The following CGNL1 variants were observed in gnomAD, a reference collection of about 807,000 sequenced individuals.
CGNL1 encodes cingulin-like protein 1.
A neutral mutation model predicts 141.2 loss-of-function variants in CGNL1; 132 were observed. The ratio of observed to expected loss-of-function variants is 0.93; its 90% CI spans 0.81 to 1.08. CGNL1 has a LOEUF of 1.08. Among genes scored for constraint, CGNL1 ranks in the 50% least tolerant of loss-of-function variants. The pLI is 0.00. For missense variants in CGNL1, 1,870 were observed against 1,588.6 expected (o/e 1.18, Z -3.01); for synonymous variants, 690 against 622.1 (o/e 1.11, Z -1.63).
chr15:57,442,548 CA>C, intron 4 of CGNL1, 70 bp downstream of exon 4: 1 of 949,766 alleles, frequency 1.1e-6, no homozygotes, highest in East Asian at 2.4e-5. Context: ...GCTGTTTCTT[CA>C]GTCTGTATGT....
At chr15:57,513,483 G>A (rs368424261) in intron 8 of CGNL1, among the ~76,000 whole-genome samples, 3 of 152,016 alleles carry the variant, frequency 2.0e-5, no homozygotes, top group South Asian at 4.2e-4. Context: ...GAATAATGCT[G>A]CTATAAACAT....
intron 8 of CGNL1, among the ~76,000 whole-genome samples, chr15:57,494,833 C>G (rs1429952596): frequency 6.6e-6 from 1 of 152,204 alleles, no homozygotes; most frequent in East Asian, 1.9e-4. Context: ...GGCATGAGCT[C>G]AGACACTGGC....
At chr15:57,473,376 T>C (rs1280380) in intron 8 of CGNL1, among the ~76,000 whole-genome samples, 40,195 of 152,126 alleles carry the variant, frequency 0.26, 5,666 homozygotes, top group Non-Finnish European at 0.3. Context: ...AAATGGAATA[T>C]GTCATAAACT....
At chr15:57,516,009 A>G (rs1393613738) in intron 8 of CGNL1, among the ~76,000 whole-genome samples, 1 of 151,862 alleles carries the variant, frequency 6.6e-6, no homozygotes, top group Non-Finnish European at 1.5e-5. Flanking sequence ...ATATAAAAAA[A>G]TTAGCCAGGC....
intron 1 of CGNL1, among the ~76,000 whole-genome samples, chr15:57,378,363 GTTTTTTTTTTTTTTTTTTTTT>G (rs71116514): frequency 2.9e-4 from 10 of 33,938 alleles, no homozygotes; most frequent in Admixed American, 1.3e-3. Context: ...CCCTCTATGT[GTTTTTTTTTTTTTTTTTTTTT>G]TTTTTTTTTT....
chr15:57,498,592 G>A (rs1458578406), intron 8 of CGNL1, among the ~76,000 whole-genome samples: 1 of 151,988 alleles, frequency 6.6e-6, no homozygotes, highest in Non-Finnish European at 1.5e-5. Context: ...TTAAGCCTAT[G>A]AGCAAAAATG....
chr15:57,416,647 A>G (rs1193117405), intron 1 of CGNL1, among the ~76,000 whole-genome samples: 1 of 152,118 alleles, frequency 6.6e-6, no homozygotes, highest in Non-Finnish European at 1.5e-5. Flanking sequence ...TGTCCTAGGA[A>G]CTTGTCTCTA....
chr15:57,405,375 T>C (rs1781543238), intron 1 of CGNL1, among the ~76,000 whole-genome samples: 5 of 152,244 alleles, frequency 3.3e-5, no homozygotes, highest in Admixed American at 3.3e-4. Flanking sequence ...CACTCTGGCA[T>C]TGACTCTGGG....
intron 1 of CGNL1, among the ~76,000 whole-genome samples, chr15:57,431,263 C>T (rs1223233850): frequency 6.6e-6 from 1 of 152,192 alleles, no homozygotes; most frequent in Non-Finnish European, 1.5e-5. Context: ...AGCAACTCTG[C>T]TTTCATTTCC....
In CGNL1 at chr15:57,412,386, G is replaced by A. The variant is rs377220362; in HGVS notation, c.-15-25599G>A. Among the ~76,000 whole-genome samples, 109 of 152,338 alleles carry A rather than the reference G, an allele frequency of 7.2e-4. 2 individuals are homozygous for A. The South Asian group carries it at 0.021, about 30-fold the overall frequency. ...CTCTGCATCCTCTTTTCTCTTAAAT[G>A]CTGTTCCTTACTCTGCTCTCCTCTG... is the stretch of plus-strand genomic sequence containing the variant. On this transcript the variant is annotated intron_variant, in intron 1 of 18. Coordinates refer to ENST00000281282, the MANE Select transcript of CGNL1 (RefSeq NM_032866.5).
intron 14 of CGNL1, among the ~76,000 whole-genome samples, chr15:57,539,854 G>A (rs2172606): frequency 0.017 from 2,639 of 152,236 alleles, 77 homozygotes; most frequent in African/African-American, 0.06. Flanking sequence ...CACCGGCATC[G>A]CCCAGTTGGC....
intron 10 of CGNL1, among the ~76,000 whole-genome samples, chr15:57,521,306 G>A (rs1298374202): frequency 3.3e-5 from 5 of 152,052 alleles, no homozygotes; most frequent in African/African-American, 1.2e-4. Context: ...GAATTATCTG[G>A]GGAGCTTTCA....
At chr15:57,482,539 G>C (rs2063738401) in intron 8 of CGNL1, among the ~76,000 whole-genome samples, 1 of 152,186 alleles carries the variant, frequency 6.6e-6, no homozygotes, top group African/African-American at 2.4e-5. Context: ...CATTTGTTGA[G>C]AGGGTTATTC....
intron 13 of CGNL1, among the ~76,000 whole-genome samples, chr15:57,531,092 G>A (rs1327264803): frequency 2.0e-5 from 3 of 152,228 alleles, no homozygotes; most frequent in Non-Finnish European, 1.5e-5. Context: ...ACTCAATTAG[G>A]TTAGATTAGG....
At chr15:57,387,644 G>A (rs2062498340) in intron 1 of CGNL1, among the ~76,000 whole-genome samples, 2 of 152,094 alleles carry the variant, frequency 1.3e-5, no homozygotes, top group African/African-American at 4.8e-5. Flanking sequence ...ACACCACCAG[G>A]CCCCTTTTAT....
intron 1 of CGNL1, chr15:57,376,843 G>C (rs2062369044): frequency 6.6e-6 from 1 of 152,342 alleles, no homozygotes; most frequent in Non-Finnish European, 1.5e-5. Context: ...GTGGGAGGGA[G>C]GAGGCCCTGC....
chr15:57,469,469 G>A (rs2063552719), intron 8 of CGNL1, among the ~76,000 whole-genome samples: 1 of 151,640 alleles, frequency 6.6e-6, no homozygotes, highest in African/African-American at 2.4e-5. Flanking sequence ...ACAGAGACCT[G>A]AAGAGAAGCA....
intron 8 of CGNL1, among the ~76,000 whole-genome samples, chr15:57,487,783 G>A (rs2063804767): frequency 6.6e-6 from 1 of 152,176 alleles, no homozygotes; most frequent in Non-Finnish European, 1.5e-5. Flanking sequence ...AATGCTGCCA[G>A]ATAGGCTAAG....
At chr15:57,496,467 CTGA>C (rs1372697067) in intron 8 of CGNL1, among the ~76,000 whole-genome samples, 1 of 152,108 alleles carries the variant, frequency 6.6e-6, no homozygotes, top group Non-Finnish European at 1.5e-5. Flanking sequence ...TAACTAATGC[CTGA>C]TGATCTCAGA....
Sources: allele counts gnomAD v4.1 joint callset (sites outside exome capture counted in the v4.1 genomes callset), GRCh38; gene constraint gnomAD v4.1.1; transcripts MANE v1.5; gene names NCBI Gene and HGNC (gene_info 2026-07-23, HGNC 2026-07-21).